Variants in CIRSR observed in about 807,000 individuals in gnomAD.
The protein encoded by CIRSR is CBF1 (RBPJ) interacting corepressor 1.
At chr2:174,366,389 T>C in the CIRSR span, among the ~76,000 whole-genome samples, 1 of 152,194 alleles carries the variant, frequency 6.6e-6, no homozygotes, top group African/African-American at 2.4e-5. Context: ...AATCTATACC[T>C]AAGCATATCA....
the CIRSR span, among the ~76,000 whole-genome samples, chr2:174,383,156 G>T: frequency 3.3e-5 from 5 of 152,160 alleles, no homozygotes; most frequent in Non-Finnish European, 7.3e-5. Flanking sequence ...AAGACCACAT[G>T]ACATATGATC....
At chr2:174,372,403 T>C in the CIRSR span, among the ~76,000 whole-genome samples, 2 of 152,198 alleles carry the variant, frequency 1.3e-5, no homozygotes, top group African/African-American at 4.8e-5. Flanking sequence ...TCTGTCTACA[T>C]GTCTACCTAA....
At chr2:174,391,356 G>A in the CIRSR span, among the ~76,000 whole-genome samples, 1 of 152,192 alleles carries the variant, frequency 6.6e-6, no homozygotes, top group Non-Finnish European at 1.5e-5. Flanking sequence ...AGGTTGGGCT[G>A]AGGTGGGCAG....
chr2:174,370,358 C>T, the CIRSR span, among the ~76,000 whole-genome samples: 1 of 152,186 alleles, frequency 6.6e-6, no homozygotes, highest in African/African-American at 2.4e-5. Context: ...CCCAGAGTGA[C>T]TGTTTAGTGT....
chr2:174,377,983 G>C, the CIRSR span, among the ~76,000 whole-genome samples: 2 of 152,190 alleles, frequency 1.3e-5, no homozygotes, highest in African/African-American at 4.8e-5. Flanking sequence ...TGTTGATTGA[G>C]GGTAAACCCT....
the CIRSR span, among the ~76,000 whole-genome samples, chr2:174,368,247 TC>T: frequency 1.3e-5 from 2 of 152,258 alleles, no homozygotes; most frequent in South Asian, 4.1e-4. Context: ...ATAGAATACT[TC>T]CTCTAACAAC....
At chr2:174,391,304 A>C in the CIRSR span, among the ~76,000 whole-genome samples, 3 of 152,224 alleles carry the variant, frequency 2.0e-5, no homozygotes, top group Non-Finnish European at 2.9e-5. Context: ...GAGATATAAA[A>C]TAGAACGTAA....
chr2:174,354,356 T>C, the CIRSR span, among the ~76,000 whole-genome samples: 1 of 127,308 alleles, frequency 7.9e-6, no homozygotes, highest in African/African-American at 3.0e-5. Flanking sequence ...TTTTATAAGA[T>C]ATATTATATA....
the CIRSR span, among the ~76,000 whole-genome samples, chr2:174,374,240 C>T: frequency 6.6e-6 from 1 of 152,134 alleles, no homozygotes; most frequent in African/African-American, 2.4e-5. Flanking sequence ...TTTGGTCAAC[C>T]TTTCTTTCTA....
the CIRSR span, among the ~76,000 whole-genome samples, chr2:174,365,076 A>G: frequency 6.6e-6 from 1 of 152,182 alleles, no homozygotes; most frequent in African/African-American, 2.4e-5. Context: ...AATGTTTTTA[A>G]TAGCACCCAC....
At chr2:174,373,011 A>T in the CIRSR span, among the ~76,000 whole-genome samples, 1 of 152,228 alleles carries the variant, frequency 6.6e-6, no homozygotes, top group Non-Finnish European at 1.5e-5. Context: ...AGAAAAATGT[A>T]CTTTGCTCCC....
chr2:174,365,668 G>A, the CIRSR span, among the ~76,000 whole-genome samples: 1 of 152,152 alleles, frequency 6.6e-6, no homozygotes, highest in Admixed American at 6.5e-5. Flanking sequence ...TTGTGTATGG[G>A]AATTCCTCTT....
the CIRSR span, among the ~76,000 whole-genome samples, chr2:174,383,808 A>G: frequency 6.6e-6 from 1 of 150,910 alleles, no homozygotes; most frequent in South Asian, 2.1e-4. Context: ...AATCAAAATC[A>G]CAATGAGATA....
chr2:174,350,364 C>T, the CIRSR span, among the ~76,000 whole-genome samples: 2 of 152,032 alleles, frequency 1.3e-5, no homozygotes, highest in Admixed American at 6.6e-5. Flanking sequence ...AAATTGTGTG[C>T]GAAGATACAC....
the CIRSR span, among the ~76,000 whole-genome samples, chr2:174,379,841 AG>A: frequency 2.7e-5 from 4 of 148,264 alleles, no homozygotes; most frequent in African/African-American, 1.0e-4. Flanking sequence ...CTCCTGCCTC[AG>A]CCTCCTGAGT....
At chr2:174,371,933 C>T in the CIRSR span, among the ~76,000 whole-genome samples, 1 of 152,230 alleles carries the variant, frequency 6.6e-6, no homozygotes, top group East Asian at 1.9e-4. Context: ...AGACATTATT[C>T]AATAGGTGAT....
chr2:174,386,470 C>A, the CIRSR span, among the ~76,000 whole-genome samples: 1 of 152,232 alleles, frequency 6.6e-6, no homozygotes, highest in African/African-American at 2.4e-5. Context: ...GCATGAGCCA[C>A]TGCGCCCGAC....
the CIRSR span, among the ~76,000 whole-genome samples, chr2:174,383,587 G>A: frequency 1.3e-5 from 2 of 151,724 alleles, no homozygotes; most frequent in Admixed American, 6.6e-5. Context: ...GGGCGTGGTG[G>A]CAGGCACCTG....
chr2:174,365,372 C>T, the CIRSR span, among the ~76,000 whole-genome samples: 2 of 152,208 alleles, frequency 1.3e-5, no homozygotes, highest in Non-Finnish European at 2.9e-5. Flanking sequence ...CTGTCCTCTT[C>T]TGAGCCCTCC....
Sources: allele counts gnomAD v4.1 joint callset (sites outside exome capture counted in the v4.1 genomes callset), GRCh38; gene constraint gnomAD v4.1.1; transcripts MANE v1.5; gene names NCBI Gene and HGNC (gene_info 2026-07-23, HGNC 2026-07-21).